Variants in ARHGAP24 observed in about 807,000 individuals in gnomAD.
ARHGAP24 encodes rho GTPase-activating protein 24.
A neutral mutation model predicts 76.4 loss-of-function variants in ARHGAP24; 50 were observed. That is an observed-to-expected ratio of 0.65 (90% CI 0.52 to 0.83). The LOEUF is 0.83. Ranked by LOEUF, ARHGAP24 falls within the 40% of genes least tolerant of loss-of-function variation. ARHGAP24 has a pLI of 0.00. For missense variants in ARHGAP24, 930 were observed against 914.2 expected (o/e 1.02, Z -0.22); for synonymous variants, 345 against 323.3 (o/e 1.07, Z -0.72).
chr4:85,695,101 A>G (rs749215525), intron 2 of ARHGAP24, among the ~76,000 whole-genome samples: 12 of 152,256 alleles, frequency 7.9e-5, no homozygotes, highest in Non-Finnish European at 1.2e-4. Context: ...TCAAATACCC[A>G]GACTTCATCT....
At chr4:85,992,202 A>T (rs1740372326) in intron 8 of ARHGAP24, 1 of 397,476 alleles carries the variant, frequency 2.5e-6, no homozygotes, top group Non-Finnish European at 4.4e-6. Flanking sequence ...GGAAAAACTG[A>T]TAGTGTGTAC....
At chr4:85,987,290 CAT>C (rs1455569871) in intron 8 of ARHGAP24, among the ~76,000 whole-genome samples, 5 of 152,048 alleles carry the variant, frequency 3.3e-5, no homozygotes. Context: ...AGCTTATTAA[CAT>C]ATAATAAATA....
chr4:85,648,423 A>T (rs1011940575), intron 2 of ARHGAP24, among the ~76,000 whole-genome samples: 2 of 152,150 alleles, frequency 1.3e-5, no homozygotes, highest in African/African-American at 4.8e-5. Flanking sequence ...AAAACAAATC[A>T]AAAGATTTAC....
chr4:85,522,511 T>G (rs1369111143), intron 1 of ARHGAP24, among the ~76,000 whole-genome samples: 1 of 152,170 alleles, frequency 6.6e-6, no homozygotes, highest in Non-Finnish European at 1.5e-5. Flanking sequence ...AGCAAGGTGT[T>G]GTTATTGCTA....
chr4:85,520,227 G>T (rs1313541001), intron 1 of ARHGAP24, among the ~76,000 whole-genome samples: 1 of 152,124 alleles, frequency 6.6e-6, no homozygotes, highest in Non-Finnish European at 1.5e-5. Flanking sequence ...AAAGTGTAAA[G>T]GTTGTCAGGG....
At chr4:85,880,049 GATGAGGACCCTCAAT>G (rs1733157466) in intron 3 of ARHGAP24, among the ~76,000 whole-genome samples, 1 of 152,170 alleles carries the variant, frequency 6.6e-6, no homozygotes, top group Non-Finnish European at 1.5e-5. Context: ...CAGGAGGTTG[GATGAGGACCCTCAAT>G]ATATATACTG....
intron 5 of ARHGAP24, among the ~76,000 whole-genome samples, chr4:85,966,068 G>C (rs1000629881): frequency 1.3e-5 from 2 of 152,130 alleles, no homozygotes; most frequent in Non-Finnish European, 2.9e-5. Flanking sequence ...ATATGGTTGT[G>C]CTCTGGTGAA....
intron 3 of ARHGAP24, among the ~76,000 whole-genome samples, chr4:85,753,794 A>G (rs868807511): frequency 5.3e-5 from 8 of 152,200 alleles, no homozygotes; most frequent in Middle Eastern, 6.8e-3. Flanking sequence ...ATAATTGTGC[A>G]TATTTTGGGG....
chr4:85,989,459 AAAG>A (rs1740196502), intron 8 of ARHGAP24, among the ~76,000 whole-genome samples: 2 of 151,746 alleles, frequency 1.3e-5, no homozygotes, highest in Admixed American at 1.3e-4. Flanking sequence ...ACAAACATGT[AAAG>A]AAGAAATTAT....
At chr4:85,609,369 C>T (rs1720309409) in intron 2 of ARHGAP24, among the ~76,000 whole-genome samples, 1 of 152,124 alleles carries the variant, frequency 6.6e-6, no homozygotes, top group Non-Finnish European at 1.5e-5. Context: ...AATTGATCCT[C>T]CTTTATGTAC....
chr4:85,514,965 T>G (rs931078583), intron 1 of ARHGAP24, among the ~76,000 whole-genome samples: 1 of 151,750 alleles, frequency 6.6e-6, no homozygotes, highest in Admixed American at 6.6e-5. Context: ...AGAAGCCAGA[T>G]AGGGAAGGAA....
chr4:85,604,320 C>T (rs1285153984), intron 2 of ARHGAP24: 1 of 152,174 alleles, frequency 6.6e-6, no homozygotes, highest in Non-Finnish European at 1.5e-5. Flanking sequence ...ATATCTTTAA[C>T]AAGATCTAAA....
At chr4:85,674,115 T>C (rs1302899858) in intron 2 of ARHGAP24, among the ~76,000 whole-genome samples, 1 of 152,098 alleles carries the variant, frequency 6.6e-6, no homozygotes, top group African/African-American at 2.4e-5. Context: ...TCTCAATCTT[T>C]AGCATTCATC....
chr4:85,671,531 A>T (rs1217598137), intron 2 of ARHGAP24, among the ~76,000 whole-genome samples: 10 of 152,182 alleles, frequency 6.6e-5, no homozygotes. Flanking sequence ...GATTCAACAA[A>T]GTTTGTGGTT....
chr4:85,495,413 C>G (rs564336505), intron 1 of ARHGAP24, among the ~76,000 whole-genome samples: 82 of 133,566 alleles, frequency 6.1e-4, no homozygotes, highest in Non-Finnish European at 1.1e-3. Context: ...TGTAGTGGCG[C>G]GATCTCGGCT....
At chr4:85,831,287 G>A (rs1364846553) in intron 3 of ARHGAP24, among the ~76,000 whole-genome samples, 1 of 152,066 alleles carries the variant, frequency 6.6e-6, no homozygotes, top group African/African-American at 2.4e-5. Flanking sequence ...GTAAGACAAT[G>A]TAATTACAAC....
At chr4:85,931,924 T>C (rs72976254) in intron 4 of ARHGAP24, among the ~76,000 whole-genome samples, 2,395 of 152,230 alleles carry the variant, frequency 0.016, 72 homozygotes, top group African/African-American at 0.052. Context: ...TAGGGTTGTT[T>C]TTTCTCCCCC....
At chr4:85,794,102 A>G (rs528387656) in intron 3 of ARHGAP24, among the ~76,000 whole-genome samples, 62 of 152,306 alleles carry the variant, frequency 4.1e-4, no homozygotes, top group African/African-American at 1.4e-3. Context: ...AAAACTATAT[A>G]TTCTGGAACT....
At chr4:85,643,398 A>G (rs1334206685) in intron 2 of ARHGAP24, among the ~76,000 whole-genome samples, 1 of 121,160 alleles carries the variant, frequency 8.3e-6, no homozygotes, top group African/African-American at 2.8e-5. Context: ...AGCTGGGACT[A>G]CAGGCGCCCG....
Sources: allele counts gnomAD v4.1 joint callset (sites outside exome capture counted in the v4.1 genomes callset), GRCh38; gene constraint gnomAD v4.1.1; transcripts MANE v1.5; gene names NCBI Gene and HGNC (gene_info 2026-07-23, HGNC 2026-07-21).